TSPEAR: variants seen among roughly 807,000 people sequenced by gnomAD.
TSPEAR encodes thrombospondin type laminin G domain and EAR repeats, also known as thrombospondin-type laminin G domain and EAR repeat-containing protein.
A neutral mutation model predicts 71.6 loss-of-function variants in TSPEAR; 69 were observed. The ratio of observed to expected loss-of-function variants is 0.96; its 90% CI spans 0.79 to 1.18. The LOEUF (loss-of-function observed/expected upper bound fraction) is 1.18. Ranked by LOEUF, TSPEAR falls within the 50% of genes most tolerant of loss-of-function variation. The pLI, the probability that TSPEAR is intolerant of heterozygous loss-of-function variation, is 0.00. For missense variants in TSPEAR, 971 were observed against 894.9 expected (o/e 1.09, Z -1.09); for synonymous variants, 402 against 387.2 (o/e 1.04, Z -0.45).
intron 1 of TSPEAR, among the ~76,000 whole-genome samples, chr21:44,662,160 C>T (rs1466715405): frequency 1.3e-5 from 2 of 152,090 alleles, no homozygotes; most frequent in East Asian, 3.9e-4. Flanking sequence ...AAATTAAATG[C>T]AAATCATCTA....
In TSPEAR at chr21:44,687,244, GA is replaced by G. The variant is rs781889782; in HGVS notation, c.82+24188del. ...AGGGAGGTAGATTTCAGCTCAGCAG[GA>G]GGAAGGGTCCCCTGAAAGCCAGGGC... On this transcript the variant is annotated intron_variant, in intron 1 of 11. Coordinates refer to ENST00000323084, the MANE Select transcript of TSPEAR (RefSeq NM_144991.3). This position sits in a 1 kb window ranked among gnomAD's most constrained non-coding sequence, Gnocchi z 4.4. Among the ~76,000 whole-genome samples the G allele has an allele frequency of 2.3e-4, 35 of 152,174 alleles. No individual in the cohort carries two copies. The highest frequency in any genetic ancestry group is 2.6e-4 in the Admixed American group (4 of 15,274).
intron 1 of TSPEAR, among the ~76,000 whole-genome samples, chr21:44,652,132 T>C (rs902026580): frequency 2.6e-5 from 4 of 152,046 alleles, no homozygotes; most frequent in South Asian, 2.1e-4. Flanking sequence ...TACAGGTGCC[T>C]GCCACCTCTC....
intron 9 of TSPEAR, among the ~76,000 whole-genome samples, chr21:44,514,172 C>T (rs1433347312): frequency 6.6e-6 from 1 of 152,196 alleles, no homozygotes; most frequent in Non-Finnish European, 1.5e-5. Flanking sequence ...GCAGTGCTGA[C>T]CCCTCATGCC....
chr21:44,703,364 C>T (rs1486088583), intron 1 of TSPEAR, among the ~76,000 whole-genome samples: 1 of 152,234 alleles, frequency 6.6e-6, no homozygotes, highest in Non-Finnish European at 1.5e-5. Flanking sequence ...ATCCAGGATT[C>T]AGGTGGTGAT....
intron 1 of TSPEAR, among the ~76,000 whole-genome samples, chr21:44,669,407 C>G (rs991397070): frequency 6.6e-6 from 1 of 152,162 alleles, no homozygotes; most frequent in Admixed American, 6.5e-5. Flanking sequence ...TGTGACAGAG[C>G]AGGACTCCAT....
At chr21:44,600,818 C>T (rs781999791) in intron 1 of TSPEAR, 1 of 1,603,622 alleles carries the variant, frequency 6.2e-7, no homozygotes, top group Non-Finnish European at 8.5e-7. Context: ...GTGTCCAGCC[C>T]CTGCTGCCGA....
intron 1 of TSPEAR, chr21:44,580,726 G>C: frequency 1.3e-6 from 1 of 787,794 alleles, no homozygotes; most frequent in Non-Finnish European, 2.0e-6. Context: ...CCGACAGGAG[G>C]CTCCACAAGC....
At chr21:44,586,511 G>C (rs1835333716) in intron 1 of TSPEAR, among the ~76,000 whole-genome samples, 1 of 152,090 alleles carries the variant, frequency 6.6e-6, no homozygotes, top group Admixed American at 6.6e-5. Context: ...CTGCTGCAAG[G>C]ACATAATCCA....
intron 11 of TSPEAR, among the ~76,000 whole-genome samples, chr21:44,503,522 G>T (rs587734839): frequency 7.6e-6 from 1 of 131,210 alleles, no homozygotes; most frequent in African/African-American, 3.0e-5. Flanking sequence ...GTGAGCCCTT[G>T]GGGGGAAGCC....
At chr21:44,635,345 C>CAAACA (rs782064583) in intron 1 of TSPEAR, among the ~76,000 whole-genome samples, 3 of 83,904 alleles carry the variant, frequency 3.6e-5, no homozygotes, top group African/African-American at 1.5e-4. Context: ...GACTCTGTCT[C>CAAACA]AAAAAAAAAA....
In TSPEAR at chr21:44,506,734, TGAATCCGCGG is replaced by T. The variant is rs1448368030; in HGVS notation, c.1755-1863_1755-1854del. 1 of 152,198 alleles carries T rather than the reference TGAATCCGCGG, an allele frequency of 6.6e-6. No individual in the cohort carries two copies. The highest frequency in any genetic ancestry group is 2.4e-5 in the African/African-American group (1 of 41,458). The allele number at this position is 152,198 out of a possible 1,614,324, so 9.4% of individuals were successfully genotyped here. On this transcript the variant is annotated intron_variant, in intron 10 of 11. Coordinates refer to ENST00000323084, the MANE Select transcript of TSPEAR (RefSeq NM_144991.3). This position sits in a 1 kb window ranked among gnomAD's most constrained non-coding sequence, Gnocchi z 4.2. The stretch of plus-strand genomic sequence containing the variant: ...CACGGCCGCGGGCCCCGGGTCAGTG[TGAATCCGCGG>T]GGTTACTCCTCAGTCGGATCTGAGC...
At chr21:44,579,054 C>A (rs587596490) in intron 1 of TSPEAR, among the ~76,000 whole-genome samples, 8 of 152,330 alleles carry the variant, frequency 5.3e-5, no homozygotes, top group African/African-American at 1.9e-4. Flanking sequence ...CGCATTGCTG[C>A]TAAGCGGGCA....
chr21:44,503,736 G>T (rs2052109473), intron 11 of TSPEAR, among the ~76,000 whole-genome samples: 1 of 132,278 alleles, frequency 7.6e-6, no homozygotes, highest in African/African-American at 3.0e-5. Flanking sequence ...GCAAGGCTCT[G>T]GGAGGAGGCC....
intron 11 of TSPEAR, among the ~76,000 whole-genome samples, chr21:44,503,528 A>G: frequency 9.8e-6 from 1 of 102,334 alleles, no homozygotes; most frequent in African/African-American, 4.0e-5. Flanking sequence ...CCTTGGGGGG[A>G]AGCCGGCCTT....
intron 1 of TSPEAR, among the ~76,000 whole-genome samples, chr21:44,669,769 T>G (rs1985968659): frequency 6.6e-6 from 1 of 152,182 alleles, no homozygotes; most frequent in Admixed American, 6.5e-5. Flanking sequence ...CGGATGCCCT[T>G]TGCCCCAGCA....
At chr21:44,636,729 C>T (rs1447521210) in intron 1 of TSPEAR, among the ~76,000 whole-genome samples, 2 of 152,176 alleles carry the variant, frequency 1.3e-5, no homozygotes, top group Non-Finnish European at 2.9e-5. Flanking sequence ...GCACCCGCCC[C>T]TCTCAGGACA....
chr21:44,552,892 A>G (rs2146036719), intron 2 of TSPEAR, among the ~76,000 whole-genome samples: 1 of 152,312 alleles, frequency 6.6e-6, no homozygotes, highest in East Asian at 1.9e-4. Context: ...GTGAAGACTC[A>G]GCTCCCGACA....
At chr21:44,550,555 A>T in intron 2 of TSPEAR, 7 of 1,334,818 alleles carry the variant, frequency 5.2e-6, no homozygotes, top group Non-Finnish European at 7.2e-6. Context: ...TGAGCATCTG[A>T]GACCCCGGGG....
intron 2 of TSPEAR, chr21:44,539,679 C>G: frequency 6.3e-7 from 1 of 1,589,214 alleles, no homozygotes; most frequent in East Asian, 2.3e-5. Flanking sequence ...GAGGAATCCT[C>G]AGAGCAGGTG....
Sources: allele counts gnomAD v4.1 joint callset (sites outside exome capture counted in the v4.1 genomes callset), GRCh38; gene constraint gnomAD v4.1.1; non-coding constraint Gnocchi (gnomAD v3.1); transcripts MANE v1.5; gene names NCBI Gene and HGNC (gene_info 2026-07-23, HGNC 2026-07-21).